Variants in CAPNS1 observed in about 807,000 individuals in gnomAD.
The protein encoded by CAPNS1 is CANP small subunit.
In CAPNS1, 32 loss-of-function variants were observed where a neutral mutation model predicts 39.2. The observed-to-expected ratio is 0.82, with a 90% CI of 0.62 to 1.10. The LOEUF is 1.10. CAPNS1 is among the 50% of genes least tolerant of loss of function. The pLI is 0.00. For missense variants in CAPNS1, 353 were observed against 373.1 expected (o/e 0.95, Z 0.44); for synonymous variants, 153 against 136.2 (o/e 1.12, Z -0.86).
In CAPNS1 at chr19:36,142,974, A is replaced by G. The variant is rs1599878031; in HGVS notation, c.391+8A>G. ...ATAAGGTTGTGACACGACGTAAGTG[A>G]CCGGGGTTAAGGAATAGGGTAGATT... On this transcript the variant is annotated splice_region_variant and intron_variant, in intron 5 of 10. Coordinates refer to ENST00000246533, the MANE Select transcript of CAPNS1 (RefSeq NM_001749.4). 6.2e-7 allele frequency: 1 copy of G among 1,614,162 alleles called. No individual in the cohort carries two copies. The highest frequency in any genetic ancestry group is 8.5e-7 in the Non-Finnish European group (1 of 1,179,996).
chr19:36,141,343 T>A, intron 2 of CAPNS1, 123 bp downstream of exon 2: 1 of 1,377,162 alleles, frequency 7.3e-7, no homozygotes, highest in Non-Finnish European at 9.4e-7. Flanking sequence ...CCTGGGTACA[T>A]GAATTAGGCC....
chr19:36,146,771 G>C (rs1974582678), intron 9 of CAPNS1, among the ~76,000 whole-genome samples: 1 of 152,180 alleles, frequency 6.6e-6, no homozygotes, highest in South Asian at 2.1e-4. Context: ...ACTGTTGCAG[G>C]CTGAGGGAAC....
chr19:36,145,666 C>T, intron 6 of CAPNS1, 140 bp from the exon 7 acceptor site: 1 of 627,258 alleles, frequency 1.6e-6, no homozygotes, highest in African/African-American at 1.8e-5. Context: ...AACCGCACAC[C>T]AGGTGATATG....
At chr19:36,147,882 G>A (rs941087898) in intron 9 of CAPNS1, among the ~76,000 whole-genome samples, 6 of 152,200 alleles carry the variant, frequency 3.9e-5, no homozygotes, top group African/African-American at 1.2e-4. Context: ...AGACCAGCCT[G>A]GCCAACATGG....
At position 36,141,017 on chromosome 19, in the gene CAPNS1, C is replaced by T; in HGVS notation, c.6C>T (p.Phe2=). The change falls in exon 2 of 11, where the codon TTC becomes TTT. Residue 2 remains phenylalanine (F), a synonymous_variant. Transcript: ENST00000246533. The stretch of plus-strand genomic sequence containing the variant: ...CCCAGCAGTGAGTCGCAGCCATGTT[C>T]CTGGTTAACTCGTTCTTGAAGGGCG... M[F]LVNSFLKGGG... 6.3e-7 allele frequency: 1 copy of T among 1,594,096 alleles called. No homozygotes were observed. Among genetic ancestry groups the T allele is most frequent in the Non-Finnish European group, 8.5e-7 (1 of 1,171,032 alleles).
chr19:36,144,255 C>G (rs993884226), intron 6 of CAPNS1: 1 of 151,856 alleles, frequency 6.6e-6, no homozygotes, highest in African/African-American at 2.4e-5. Context: ...GCCTGTAGTC[C>G]CAGCTACTCG....
intron 9 of CAPNS1, 111 bp downstream of exon 9, chr19:36,146,423 A>G: frequency 1.3e-6 from 1 of 753,832 alleles, no homozygotes; most frequent in East Asian, 2.5e-5. Flanking sequence ...CACAGTGGTG[A>G]TTGAATCAGT....
chr19:36,141,576 A>G (rs1974377474), intron 2 of CAPNS1: 2 of 1,110,714 alleles, frequency 1.8e-6, no homozygotes, highest in Non-Finnish European at 2.2e-6. Flanking sequence ...TGCGGAGCCA[A>G]TGCGTCTGAG....
At chr19:36,148,871 T>A (rs973734693) in intron 9 of CAPNS1, among the ~76,000 whole-genome samples, 2 of 151,984 alleles carry the variant, frequency 1.3e-5, no homozygotes, top group Non-Finnish European at 2.9e-5. Flanking sequence ...TATGGACACC[T>A]GAGGGTGGTG....
chr19:36,146,104 A>G, intron 8 of CAPNS1, 50 bp downstream of exon 8: 1 of 1,599,286 alleles, frequency 6.3e-7, no homozygotes, highest in Non-Finnish European at 8.6e-7. Flanking sequence ...GGGTGAGAAA[A>G]CCTCTACTCA....
At position 36,142,728 on chromosome 19, in the gene CAPNS1, A is replaced by G; in HGVS notation, c.320A>G (p.Gln107Arg). 6.2e-7 allele frequency: 1 copy of G among 1,614,022 alleles called. No homozygotes were observed. The highest frequency in any genetic ancestry group is 1.6e-4 in the Middle Eastern group (1 of 6,062). ...EVRQFRRLFAQLAGDDMEVSA... is the reference protein window; with the variant it reads ...EVRQFRRLFARLAGDDMEVSA... ...CGGCAGTTCCGGAGACTCTTTGCCC[A>G]GCTGGCTGGAGATGTAAGTAACCTG... The change falls in exon 4 of 11, where the codon CAG becomes CGG. Residue 107 changes from glutamine to arginine, a missense_variant. Coordinates refer to ENST00000246533, the MANE Select transcript of CAPNS1 (RefSeq NM_001749.4).
chr19:36,142,296 G>T lies in CAPNS1; in HGVS notation c.210-4G>T. 6.3e-7 allele frequency: 1 copy of T among 1,580,214 alleles called. No individual in the cohort carries two copies. The highest frequency in any genetic ancestry group is 8.6e-7 in the Non-Finnish European group (1 of 1,160,788). On this transcript the variant is annotated splice_polypyrimidine_tract_variant and splice_region_variant and intron_variant, in intron 2 of 10. Coordinates refer to ENST00000246533, the MANE Select transcript of CAPNS1 (RefSeq NM_001749.4). ...ACTAACCCCTCCCCCTTATCTCTTC[G>T]CAGCGAGGCGGCTGCGCAGTACAAC...
chr19:36,141,185 C>A lies in CAPNS1; in HGVS notation c.174C>A (p.Ala58=). 6.9e-7 allele frequency: 1 copy of A among 1,449,036 alleles called. No individual in the cohort carries two copies. The highest frequency in any genetic ancestry group is 9.0e-7 in the Non-Finnish European group (1 of 1,106,670). 89.8% of individuals were successfully genotyped at this position (1,449,036 alleles called of 1,614,324 possible). The change falls in exon 2 of 11, where the codon GCC becomes GCA. Residue 58 remains alanine, a synonymous_variant. Coordinates refer to ENST00000246533, the MANE Select transcript of CAPNS1 (RefSeq NM_001749.4). ...GAGGCGGCGGTGGCGGTGGAACGGC[C>A]ATGCGCATCCTAGGCGGAGTCATCA... ...GGGGGGGGGT[A]MRILGGVISA...
At chr19:36,149,028 T>C (rs560042534) in intron 9 of CAPNS1, among the ~76,000 whole-genome samples, 14 of 152,236 alleles carry the variant, frequency 9.2e-5, no homozygotes, top group African/African-American at 3.4e-4. Flanking sequence ...TCTAGTAGCC[T>C]GTTAGGCTTA....
chr19:36,149,389 T>C (rs538528546), intron 9 of CAPNS1, among the ~76,000 whole-genome samples, 189 bp from the exon 10 acceptor site: 26 of 152,190 alleles, frequency 1.7e-4, no homozygotes, highest in Non-Finnish European at 3.5e-4. Flanking sequence ...AAAATGACAC[T>C]TATCTCACAG....
intron 6 of CAPNS1, chr19:36,144,178 A>T (rs893982169): frequency 1.4e-5 from 2 of 144,328 alleles, no homozygotes; most frequent in South Asian, 4.3e-4. Flanking sequence ...CTCCGTCTCA[A>T]AAAAAAAAAA....
intron 6 of CAPNS1, chr19:36,145,539 T>C: frequency 2.5e-6 from 1 of 402,096 alleles, no homozygotes; most frequent in Non-Finnish European, 4.5e-6. Flanking sequence ...TTAACAACTC[T>C]TCAGGCAAGG....
chr19:36,142,807 C>T (rs1974427776), intron 4 of CAPNS1, 66 bp downstream of exon 4: 16 of 1,581,268 alleles, frequency 1.0e-5, no homozygotes, highest in South Asian at 1.0e-4. Context: ...GCTGCCCTTG[C>T]ACACACACCC....
rs780325714 is a variant in CAPNS1 at position 36,142,737 on chromosome 19, G to C, written c.329G>C (p.Gly110Ala). 3.7e-6 allele frequency: 6 copies of C among 1,613,956 alleles called. No individual in the cohort carries two copies. In the South Asian group the frequency reaches 5.5e-5, roughly 15 times the overall value. Residue 110 changes from glycine to alanine, a missense_variant, in exon 4 of 11, where the codon GGA (glycine) becomes GCA (alanine). Coordinates refer to ENST00000246533, the MANE Select transcript of CAPNS1 (RefSeq NM_001749.4). ...CGGAGACTCTTTGCCCAGCTGGCTG[G>C]AGATGTAAGTAACCTGGGGTCCCTG... ...QFRRLFAQLAGDDMEVSATEL... is the reference protein window; with the variant it reads ...QFRRLFAQLAADDMEVSATEL...
Sources: allele counts gnomAD v4.1 joint callset (sites outside exome capture counted in the v4.1 genomes callset), GRCh38; gene constraint gnomAD v4.1.1; transcripts MANE v1.5; gene names NCBI Gene and HGNC (gene_info 2026-07-23, HGNC 2026-07-21).